The following FBXL7 variants were observed in gnomAD, a reference collection of about 807,000 sequenced individuals.
FBXL7 encodes the protein F-box and leucine rich repeat protein 7.
Under a neutral mutation model 38.3 loss-of-function variants are expected in FBXL7, and 12 were observed. That is an observed-to-expected ratio of 0.31 (90% CI 0.20 to 0.51). The LOEUF is 0.51. Ranked by LOEUF, FBXL7 falls within the 20% of genes least tolerant of loss-of-function variation. FBXL7 has a pLI of 0.98. For synonymous variants in FBXL7, 297 were observed against 300.9 expected (o/e 0.99, Z 0.13); for missense variants, 567 against 676.4 (o/e 0.84, Z 1.79).
chr5:15,686,276 T>C (rs947884285), intron 2 of FBXL7, among the ~76,000 whole-genome samples: 1 of 152,200 alleles, frequency 6.6e-6, no homozygotes, highest in Non-Finnish European at 1.5e-5. Context: ...TCCTTCAGGA[T>C]CATAAAGGAA....
rs566464825 is a variant in FBXL7 at position 15,849,608 on chromosome 5, G to A, written c.128-78282G>A. On this transcript the variant is annotated intron_variant, in intron 2 of 3. Coordinates refer to ENST00000504595, the MANE Select transcript of FBXL7 (RefSeq NM_012304.5). ...GTCTTTCACCTTCTGCCATGAGTGT[G>A]AGGCCTCCCCAGCCATGTGGAACTG... Among the ~76,000 whole-genome samples, 5 of 152,266 alleles carry A rather than the reference G, an allele frequency of 3.3e-5. No homozygotes were observed. The East Asian group carries it at 7.7e-4, about 24-fold the overall frequency.
In FBXL7 at chr5:15,928,667, A is replaced by G. The variant is rs973829672; in HGVS notation, c.739+166A>G. On this transcript the variant is annotated intron_variant, in intron 3 of 3. Coordinates refer to ENST00000504595, the MANE Select transcript of FBXL7 (RefSeq NM_012304.5). This position sits in a 1 kb window ranked among gnomAD's most constrained non-coding sequence, Gnocchi z 4.0. ...GAGAAACTGTCTCTATGGAATCATG[A>G]CCCTGGAGGCCACAAGTTTCCCTTT... Among the ~76,000 whole-genome samples the G allele has an allele frequency of 4.6e-5, 7 of 151,448 alleles. No individual in the cohort carries two copies. The highest frequency in any genetic ancestry group is 7.3e-5 in the African/African-American group (3 of 41,190).
chr5:15,623,415 C>G (rs1035014643), intron 2 of FBXL7, among the ~76,000 whole-genome samples: 1 of 152,178 alleles, frequency 6.6e-6, no homozygotes, highest in Non-Finnish European at 1.5e-5. Flanking sequence ...TTAAATGTAT[C>G]ATTGGAGGCT....
At chr5:15,877,630 G>C (rs945585528) in intron 2 of FBXL7, among the ~76,000 whole-genome samples, 1 of 152,260 alleles carries the variant, frequency 6.6e-6, no homozygotes, top group Non-Finnish European at 1.5e-5. Context: ...GCAAAAGACA[G>C]ATTCTGTAAT....
At chr5:15,904,763 A>G (rs1741314881) in intron 2 of FBXL7, among the ~76,000 whole-genome samples, 1 of 152,116 alleles carries the variant, frequency 6.6e-6, no homozygotes. Context: ...TAGTTAATAC[A>G]TTAGCCTAAG....
At chr5:15,635,503 A>G (rs540738931) in intron 2 of FBXL7, among the ~76,000 whole-genome samples, 87 of 152,282 alleles carry the variant, frequency 5.7e-4, no homozygotes, top group Admixed American at 2.4e-3. Flanking sequence ...GGGAGAGGGA[A>G]TTGATGACCC....
intron 2 of FBXL7, among the ~76,000 whole-genome samples, chr5:15,620,488 G>T (rs1319360409): frequency 6.6e-6 from 1 of 150,668 alleles, no homozygotes; most frequent in Non-Finnish European, 1.5e-5. Flanking sequence ...GACCTTAGGT[G>T]ATTCACCCGC....
At position 15,789,095 on chromosome 5, in the gene FBXL7, C is replaced by T. The variant is rs191128799; in HGVS notation, c.128-138795C>T. 2.0e-3 allele frequency among the ~76,000 whole-genome samples: 308 copies of T among 152,124 alleles called. 3 individuals are homozygous for T. The highest frequency in any genetic ancestry group is 6.9e-3 in the African/African-American group (288 of 41,542). ...TCTATCTCCTGACCTCGTGAACCAC[C>T]CACCTTGGCCTCCCAAAGTGCTGGG... On this transcript the variant is annotated intron_variant, in intron 2 of 3. Coordinates refer to ENST00000504595, the MANE Select transcript of FBXL7 (RefSeq NM_012304.5).
At chr5:15,802,942 G>A (rs186241732) in intron 2 of FBXL7, among the ~76,000 whole-genome samples, 2 of 152,180 alleles carry the variant, frequency 1.3e-5, no homozygotes, top group East Asian at 1.9e-4. Flanking sequence ...CGTGAGCCAC[G>A]GCACCCGGCC....
chr5:15,807,518 A>T (rs776482473), intron 2 of FBXL7, among the ~76,000 whole-genome samples: 18 of 152,180 alleles, frequency 1.2e-4, no homozygotes, highest in Non-Finnish European at 2.6e-4. Context: ...AGCCCAGCAC[A>T]TGATAATGGT....
intron 2 of FBXL7, among the ~76,000 whole-genome samples, chr5:15,798,188 T>C (rs910814739): frequency 6.6e-6 from 1 of 152,174 alleles, no homozygotes; most frequent in African/African-American, 2.4e-5. Flanking sequence ...CTCTACACTT[T>C]CTATTTGGAA....
intron 2 of FBXL7, among the ~76,000 whole-genome samples, chr5:15,846,621 C>T (rs1738911017): frequency 6.6e-6 from 1 of 152,114 alleles, no homozygotes; most frequent in African/African-American, 2.4e-5. Flanking sequence ...TGCAAAGTCC[C>T]TAGTTATACA....
At chr5:15,684,329 G>T (rs1011168743) in intron 2 of FBXL7, among the ~76,000 whole-genome samples, 6 of 152,290 alleles carry the variant, frequency 3.9e-5, no homozygotes, top group African/African-American at 1.2e-4. Context: ...ATCTAGGTAA[G>T]AGGTATGTGG....
intron 2 of FBXL7, among the ~76,000 whole-genome samples, chr5:15,802,888 G>C (rs772424952): frequency 6.6e-6 from 1 of 152,136 alleles, no homozygotes; most frequent in Admixed American, 6.6e-5. Flanking sequence ...CCCAACCTCA[G>C]GTGATCCGCC....
At position 15,939,684 on chromosome 5, in the gene FBXL7, C is replaced by T. The variant is rs1191736226; in HGVS notation, c.*2498C>T. 5 of 152,620 alleles carry T rather than the reference C, an allele frequency of 3.3e-5. No individual in the cohort carries two copies. Among genetic ancestry groups the T allele is most frequent in the South Asian group, 2.1e-4 (1 of 4,830 alleles). 9.5% of individuals were successfully genotyped at this position (152,620 alleles called of 1,614,324 possible). On this transcript the variant is annotated 3_prime_UTR_variant, in exon 4 of 4. Coordinates refer to ENST00000504595, the MANE Select transcript of FBXL7 (RefSeq NM_012304.5). ...CTTCCTGGCTCTGCTAAATTGAATG[C>T]TCATTGTTTGTTGTTGTTGTTTTTT... is the stretch of plus-strand genomic sequence containing the variant.
rs1739312857 is a variant in FBXL7, at chr5:15,857,716, A to G, written c.128-70174A>G. 2.6e-5 allele frequency among the ~76,000 whole-genome samples: 4 copies of G among 152,344 alleles called. No homozygotes were observed. The South Asian group carries it at 8.3e-4, about 32-fold the overall frequency. On this transcript the variant is annotated intron_variant, in intron 2 of 3. Transcript: ENST00000504595. ...GTCTTAGGCAAAGTGAGAAATCAAT[A>G]CAATTAGATTGGGATCAGAAAACAT...
At chr5:15,731,229 C>T (rs546160960) in intron 2 of FBXL7, among the ~76,000 whole-genome samples, 5 of 152,266 alleles carry the variant, frequency 3.3e-5, no homozygotes, top group African/African-American at 9.6e-5. Context: ...ATACCCAAGA[C>T]TGGGCAATTT....
At chr5:15,740,374 A>T (rs996686983) in intron 2 of FBXL7, among the ~76,000 whole-genome samples, 1 of 152,178 alleles carries the variant, frequency 6.6e-6, no homozygotes, top group African/African-American at 2.4e-5. Flanking sequence ...CCTGGCCTAG[A>T]GTCTTCACGC....
At chr5:15,629,296 G>T (rs1190709618) in intron 2 of FBXL7, among the ~76,000 whole-genome samples, 4 of 152,032 alleles carry the variant, frequency 2.6e-5, no homozygotes, top group Non-Finnish European at 5.9e-5. Flanking sequence ...AAATATACTT[G>T]AGACACAAGT....
Sources: allele counts gnomAD v4.1 joint callset (sites outside exome capture counted in the v4.1 genomes callset), GRCh38; gene constraint gnomAD v4.1.1; non-coding constraint Gnocchi (gnomAD v3.1); transcripts MANE v1.5; gene names NCBI Gene and HGNC (gene_info 2026-07-23, HGNC 2026-07-21).